INPP5A: variants seen among roughly 807,000 people sequenced by gnomAD.
The protein encoded by INPP5A is 43 kDa inositol polyphosphate 5-phophatase.
In INPP5A, 14 loss-of-function variants were observed where a neutral mutation model predicts 65.2. The ratio of observed to expected loss-of-function variants is 0.21; its 90% CI spans 0.14 to 0.34. The LOEUF (loss-of-function observed/expected upper bound fraction) is 0.34, where lower values mean the gene tolerates loss of function less well. Among genes scored for constraint, INPP5A ranks in the 10% least tolerant of loss-of-function variants. INPP5A has a pLI of 1.00. For missense variants in INPP5A, 431 were observed against 545.6 expected, an observed-to-expected ratio of 0.79 and a Z score of 2.09; for synonymous variants, 207 against 208.3, an observed-to-expected ratio of 0.99 and a Z score of 0.05.
chr10:132,581,541 C>T (rs1490719496), intron 1 of INPP5A, among the ~76,000 whole-genome samples: 1 of 152,128 alleles, frequency 6.6e-6, no homozygotes, highest in Non-Finnish European at 1.5e-5. Flanking sequence ...CCTCACCCTT[C>T]CCCCATTTGG....
In INPP5A at chr10:132,550,736, A is replaced by G. The variant is rs545590532; in HGVS notation, c.75+12565A>G. Reference sequence around the variant, plus strand: ...CACTAGTTTGGTCCCGCCTGACCTCATGGAAGACGGTGGAGGTGGCAGCCG... The same window carrying G: ...CACTAGTTTGGTCCCGCCTGACCTCGTGGAAGACGGTGGAGGTGGCAGCCG... On this transcript the variant is annotated intron_variant, in intron 1 of 15. Transcript: ENST00000368594. The surrounding 1 kb of genome is among the most constrained non-coding windows in gnomAD (Gnocchi z 4.2). Among the ~76,000 whole-genome samples, 2 of 152,220 alleles carry G rather than the reference A, an allele frequency of 1.3e-5. No individual in the cohort carries two copies. Among genetic ancestry groups the G allele is most frequent in the Non-Finnish European group, 2.9e-5 (2 of 68,036 alleles).
At chr10:132,623,395 A>G (rs1490175049) in intron 2 of INPP5A, among the ~76,000 whole-genome samples, 9 of 150,578 alleles carry the variant, frequency 6.0e-5, no homozygotes, top group South Asian at 2.1e-4. Flanking sequence ...AGAAAGGAAC[A>G]GTTTTTTTTT....
intron 1 of INPP5A, among the ~76,000 whole-genome samples, chr10:132,572,301 G>A (rs1409126626): frequency 6.6e-6 from 1 of 152,196 alleles, no homozygotes; most frequent in African/African-American, 2.4e-5. Flanking sequence ...GTGGCAAGAT[G>A]CCCCTGGTGG....
At chr10:132,699,620 T>C (rs112369353) in intron 6 of INPP5A, among the ~76,000 whole-genome samples, 3,385 of 151,574 alleles carry the variant, frequency 0.022, 56 homozygotes, top group South Asian at 0.04. Context: ...GCCCCATAGC[T>C]CTTGGGGGTG....
chr10:132,749,360 C>T (rs369669302), intron 9 of INPP5A, among the ~76,000 whole-genome samples, 157 bp from the exon 10 acceptor site: 1 of 151,766 alleles, frequency 6.6e-6, no homozygotes, highest in Non-Finnish European at 1.5e-5. Context: ...TCGGCTGTTG[C>T]GGGAGTGGCC....
In INPP5A at chr10:132,550,128, G is replaced by C. The variant is rs147648870; in HGVS notation, c.75+11957G>C. ...ACCGGGCATTAGGGGATGGGGTCAG[G>C]CTCGAGTTACTAACCAGGCAGTAGA... On this transcript the variant is annotated intron_variant, in intron 1 of 15. Transcript: ENST00000368594. This position sits in a 1 kb window ranked among gnomAD's most constrained non-coding sequence, Gnocchi z 4.2. Among the ~76,000 whole-genome samples the C allele has an allele frequency of 3.3e-5, 5 of 149,354 alleles. No individual in the cohort carries two copies. Among genetic ancestry groups the C allele is most frequent in the African/African-American group, 2.5e-5 (1 of 40,488 alleles).
In INPP5A at chr10:132,650,296, G is replaced by A. The variant is rs1004068191; in HGVS notation, c.219-122G>A. The A allele has an allele frequency of 2.2e-5, 15 of 688,876 alleles. 1 individual carries two copies. The highest frequency in any genetic ancestry group is 1.8e-4 in the South Asian group (11 of 61,368). The allele number at this position is 688,876 out of a possible 1,614,324, so 42.7% of individuals were successfully genotyped here. On this transcript the variant is annotated intron_variant, in intron 3 of 15. Coordinates refer to ENST00000368594, the MANE Select transcript of INPP5A (RefSeq NM_005539.5). This position sits in a 1 kb window ranked among gnomAD's most constrained non-coding sequence, Gnocchi z 5.5. ...CCATTCCCTGCCCTCTGCCTGTCAC[G>A]GGTGGATGGTCTCACGGTGATGTAC... is the stretch of plus-strand genomic sequence containing the variant.
At chr10:132,658,007 G>T (rs1252929177) in intron 4 of INPP5A, among the ~76,000 whole-genome samples, 1 of 152,264 alleles carries the variant, frequency 6.6e-6, no homozygotes, top group African/African-American at 2.4e-5. Context: ...TGTGCGGCTG[G>T]GGCTGCAGTG....
chr10:132,540,869 G>A (rs550065780), intron 1 of INPP5A, among the ~76,000 whole-genome samples: 7 of 152,346 alleles, frequency 4.6e-5, no homozygotes, highest in Non-Finnish European at 7.3e-5. Flanking sequence ...GAAGGTGTTT[G>A]AATCTGAAGC....
intron 1 of INPP5A, among the ~76,000 whole-genome samples, chr10:132,560,775 T>C (rs2071193795): frequency 6.6e-6 from 1 of 152,156 alleles, no homozygotes; most frequent in Admixed American, 6.5e-5. Context: ...TTGGCTAATT[T>C]TAAAAAGTTT....
In INPP5A at chr10:132,548,679, G is replaced by A. The variant is rs576598764; in HGVS notation, c.75+10508G>A. Among the ~76,000 whole-genome samples, 9 of 151,862 alleles carry A rather than the reference G, an allele frequency of 5.9e-5. No homozygotes were observed. The South Asian group carries it at 6.2e-4, about 11-fold the overall frequency. ...CAGTTTCGCCTGCGCCGAGGGCACT[G>A]TATCGTGAACCACAGGCTGTGTTGT... On this transcript the variant is annotated intron_variant, in intron 1 of 15. Coordinates refer to ENST00000368594, the MANE Select transcript of INPP5A (RefSeq NM_005539.5).
intron 2 of INPP5A, among the ~76,000 whole-genome samples, chr10:132,635,802 G>A (rs1283083656): frequency 2.7e-5 from 4 of 150,704 alleles, no homozygotes; most frequent in East Asian, 2.0e-4. Context: ...CCTGTCTCTC[G>A]AAGATTTAAA....
intron 9 of INPP5A, among the ~76,000 whole-genome samples, chr10:132,746,284 A>G (rs905776563): frequency 1.6e-4 from 25 of 152,234 alleles, no homozygotes; most frequent in African/African-American, 5.3e-4. Flanking sequence ...TGAAGGTTGC[A>G]TTTAAAAACT....
chr10:132,759,226 A>G (rs2134662516), intron 11 of INPP5A, among the ~76,000 whole-genome samples: 1 of 152,308 alleles, frequency 6.6e-6, no homozygotes, highest in South Asian at 2.1e-4. Context: ...GGAAGTCCCC[A>G]GGCCCCTCAG....
intron 4 of INPP5A, among the ~76,000 whole-genome samples, chr10:132,657,663 C>G (rs1037935615): frequency 1.3e-5 from 2 of 152,228 alleles, no homozygotes; most frequent in African/African-American, 4.8e-5. Context: ...GCTCCCCCTT[C>G]CACTCTCGTT....
intron 11 of INPP5A, among the ~76,000 whole-genome samples, chr10:132,754,719 G>A (rs1004391991): frequency 1.3e-5 from 2 of 152,238 alleles, no homozygotes; most frequent in Admixed American, 6.5e-5. Flanking sequence ...GATGCCGGCC[G>A]AGGAATCCCA....
In INPP5A at chr10:132,749,844, C is replaced by T. The variant is rs201478396; in HGVS notation, c.902C>T (p.Ala301Val). 7.6e-5 allele frequency: 123 copies of T among 1,612,760 alleles called. No homozygotes were observed. Among genetic ancestry groups the T allele is most frequent in the Non-Finnish European group, 9.4e-5 (111 of 1,179,728 alleles). ...QEVFRDNNGT[A>V]LLEFDKELSV... ...GTTTTCCGAGACAACAACGGCACCG[C>T]GGTGAGTTTGTGGTCCAATGTGGCA... Residue 301 changes from alanine to valine, a missense_variant and splice_region_variant, in exon 11 of 16, where the codon GCG (alanine) becomes GTG (valine). By Grantham distance (64) the Ala-to-Val change is moderately conservative. Coordinates refer to ENST00000368594, the MANE Select transcript of INPP5A (RefSeq NM_005539.5).
At chr10:132,773,179 G>A (rs1384444540) in intron 12 of INPP5A, among the ~76,000 whole-genome samples, 2 of 152,200 alleles carry the variant, frequency 1.3e-5, no homozygotes, top group African/African-American at 4.8e-5. Context: ...ACTGTGAAGT[G>A]AAATTTACTA....
chr10:132,732,788 G>A (rs907577223), intron 9 of INPP5A, among the ~76,000 whole-genome samples: 4 of 152,124 alleles, frequency 2.6e-5, no homozygotes, highest in South Asian at 2.1e-4. Flanking sequence ...CCTGTGGGCC[G>A]CAGACACGTG....
Sources: gnomAD v4.1 joint callset for allele counts (sites outside exome capture counted in the v4.1 genomes callset) on GRCh38, gnomAD v4.1.1 for gene constraint, Gnocchi (gnomAD v3.1) non-coding constraint, MANE v1.5 for transcripts, NCBI Gene and HGNC (gene_info 2026-07-23, HGNC 2026-07-21) for gene names.